Variants in JAK1 observed in about 807,000 individuals in gnomAD.
JAK1 encodes the protein tyrosine-protein kinase JAK1.
Under a neutral mutation model 136.6 loss-of-function variants are expected in JAK1, and 16 were observed. The observed-to-expected ratio is 0.12, with a 90% CI of 0.08 to 0.18. JAK1 has a LOEUF of 0.18. Among genes scored for constraint, JAK1 ranks in the 10% least tolerant of loss-of-function variants. The pLI is 1.00. For synonymous variants in JAK1, 492 were observed against 519.5 expected (o/e 0.95, Z 0.72); for missense variants, 859 against 1,450.1 (o/e 0.59, Z 6.62).
At chr1:65,061,184 T>G (rs1221193836) in intron 1 of JAK1, among the ~76,000 whole-genome samples, 1 of 152,124 alleles carries the variant, frequency 6.6e-6, no homozygotes, top group Admixed American at 6.6e-5. Flanking sequence ...CTTAGGAGGC[T>G]GAGGCAGGAG....
At chr1:64,849,968 C>T (rs986661799) in intron 12 of JAK1, among the ~76,000 whole-genome samples, 15 of 152,302 alleles carry the variant, frequency 9.8e-5, no homozygotes, top group Non-Finnish European at 1.5e-4. Context: ...CCAACAATCT[C>T]GGGGACTCAC....
chr1:64,989,523 C>CA (rs1042748045), intron 2 of JAK1: 15 of 152,134 alleles, frequency 9.9e-5, no homozygotes, highest in African/African-American at 2.6e-4. Flanking sequence ...ACCTTATTTG[C>CA]AAATTATTGT....
At chr1:64,963,582 T>C (rs1646321516) in intron 1 of JAK1, among the ~76,000 whole-genome samples, 1 of 152,192 alleles carries the variant, frequency 6.6e-6, no homozygotes, top group Admixed American at 6.5e-5. Context: ...CCGGTAAATC[T>C]AATGATTCAC....
intron 1 of JAK1, among the ~76,000 whole-genome samples, chr1:64,889,835 T>G (rs1644909000): frequency 6.6e-6 from 1 of 152,260 alleles, no homozygotes; most frequent in Non-Finnish European, 1.5e-5. Flanking sequence ...ATTTTAATGT[T>G]CATAAATATG....
rs146857373 is a variant in JAK1 at position 65,005,808 on chromosome 1, A to G, written c.-78+38672T>C. ...TTTGATGGAACTTGACAACTTAATT[A>G]TAAAATGTATATGGAAGTGCAAAGG... On this transcript the variant is annotated intron_variant, in intron 2 of 25. Transcript: ENST00000671954. Among the ~76,000 whole-genome samples, 844 of 152,338 alleles carry G rather than the reference A, an allele frequency of 5.5e-3. 5 individuals carry two copies. Among genetic ancestry groups the G allele is most frequent in the Non-Finnish European group, 7.0e-3 (478 of 68,022 alleles).
At chr1:64,926,464 G>A (rs1161948632) in intron 1 of JAK1, among the ~76,000 whole-genome samples, 6 of 147,544 alleles carry the variant, frequency 4.1e-5, no homozygotes, top group Non-Finnish European at 7.4e-5. Flanking sequence ...TTTCCTCAGG[G>A]CCCTTACCCC....
intron 4 of JAK1, among the ~76,000 whole-genome samples, chr1:64,875,041 T>G (rs1657314339): frequency 6.6e-6 from 1 of 152,216 alleles, no homozygotes. Context: ...ATATTACAAG[T>G]TATATTTCTC....
intron 1 of JAK1, among the ~76,000 whole-genome samples, chr1:64,934,646 TAC>T (rs1645757077): frequency 6.6e-6 from 1 of 152,232 alleles, no homozygotes; most frequent in Non-Finnish European, 1.5e-5. Context: ...CTACTGGACC[TAC>T]AGAGTTCTGG....
chr1:65,003,714 G>A (rs1646780995), intron 2 of JAK1: 3 of 149,262 alleles, frequency 2.0e-5, no homozygotes, highest in Non-Finnish European at 4.4e-5. Flanking sequence ...GTTATGAGAT[G>A]GGTGCGTTTT....
chr1:64,959,761 T>C (rs1411610559), intron 1 of JAK1, among the ~76,000 whole-genome samples: 2 of 152,236 alleles, frequency 1.3e-5, no homozygotes, highest in South Asian at 4.1e-4. Context: ...CCCTTCTAGA[T>C]TTGAGAAACT....
In JAK1 at chr1:65,004,814, A is replaced by G. The variant is rs568907359; in HGVS notation, c.-78+39666T>C. ...CTTCCAGTGATGAGCAGACCAGAAGACCAAATTGTGAAATGTCTCATTTCA... is the reference window on the plus strand; with the variant it reads ...CTTCCAGTGATGAGCAGACCAGAAGGCCAAATTGTGAAATGTCTCATTTCA... On this transcript the variant is annotated intron_variant, in intron 2 of 25. Coordinates refer to the JAK1 transcript ENST00000671954. 2.6e-5 allele frequency among the ~76,000 whole-genome samples: 4 copies of G among 152,332 alleles called. No individual in the cohort carries two copies. In the East Asian group the frequency reaches 7.7e-4, roughly 29 times the overall value.
At position 64,913,634 on chromosome 1, in the gene JAK1, AG is replaced by A. The variant is rs1173501108; in HGVS notation, c.-77-27294del. On this transcript the variant is annotated intron_variant, in intron 1 of 24. Coordinates refer to ENST00000342505, the MANE Select transcript of JAK1 (RefSeq NM_002227.4). ...GATTCCATTTGGGAGGGAGGGAGGG[AG>A]GAAGGGAGGAAGGAAGGAAAGAAGG... is the stretch of plus-strand genomic sequence containing the variant. 1.6e-5 allele frequency among the ~76,000 whole-genome samples: 2 copies of A among 128,716 alleles called. 1 individual carries two copies. Among genetic ancestry groups the A allele is most frequent in the Non-Finnish European group, 3.1e-5 (2 of 63,614 alleles). The allele number at this position is 128,716 out of a possible 152,430, so 84.4% of individuals were successfully genotyped here.
At chr1:64,913,705 A>AAGGAAGGAAAGAAGGG (rs764180012) in intron 1 of JAK1, among the ~76,000 whole-genome samples, 2 of 35,744 alleles carry the variant, frequency 5.6e-5, no homozygotes, top group Non-Finnish European at 9.9e-5. Context: ...GGAAGGAAAG[A>AAGGAAGGAAAGAAGGG]AGGGAGGGAG....
intron 2 of JAK1, among the ~76,000 whole-genome samples, chr1:65,015,648 C>T (rs1646886384): frequency 6.6e-6 from 1 of 152,006 alleles, no homozygotes; most frequent in South Asian, 2.1e-4. Context: ...GCTTCTCGGA[C>T]TGGAGAAAAC....
chr1:64,913,632 G>GAA (rs1420832416), intron 1 of JAK1, among the ~76,000 whole-genome samples: 2 of 126,244 alleles, frequency 1.6e-5, no homozygotes, highest in African/African-American at 6.6e-5. Context: ...AGGGAGGGAG[G>GAA]GAGGAAGGGA....
intron 2 of JAK1, among the ~76,000 whole-genome samples, chr1:65,037,803 C>A (rs1647088663): frequency 6.6e-6 from 1 of 152,106 alleles, no homozygotes; most frequent in African/African-American, 2.4e-5. Context: ...GAGGTCAAGG[C>A]TGCAGTGAGC....
chr1:65,005,599 TA>T (rs1646797781), intron 2 of JAK1, among the ~76,000 whole-genome samples: 1 of 152,358 alleles, frequency 6.6e-6, no homozygotes, highest in East Asian at 1.9e-4. Flanking sequence ...ATGGATATGC[TA>T]ATTACCCAGA....
At chr1:65,063,205 G>A (rs1021081179) in intron 1 of JAK1, among the ~76,000 whole-genome samples, 13 of 152,188 alleles carry the variant, frequency 8.5e-5, no homozygotes, top group African/African-American at 3.1e-4. Flanking sequence ...AGTGACAGAT[G>A]AGTAGAATCA....
At chr1:64,970,161 G>C (rs575289114), upstream of JAK1, among the ~76,000 whole-genome samples, 8 of 46,238 alleles carry the variant, frequency 1.7e-4, no homozygotes, top group Admixed American at 2.4e-4. Flanking sequence ...AAAAACGGCC[G>C]GGCACAGTGG....
Sources: gnomAD v4.1 joint callset for allele counts (sites outside exome capture counted in the v4.1 genomes callset) on GRCh38, gnomAD v4.1.1 for gene constraint, MANE v1.5 for transcripts, NCBI Gene and HGNC (gene_info 2026-07-23, HGNC 2026-07-21) for gene names.